Variants in EID2B observed in about 807,000 individuals in gnomAD.
EID2B encodes EP300-interacting inhibitor of differentiation 2B.
Under a neutral mutation model 5.9 loss-of-function variants are expected in EID2B, and 6 were observed. The observed-to-expected ratio is 1.01, with a 90% CI of 0.55 to 2.00. The LOEUF (loss-of-function observed/expected upper bound fraction) is 2.00. Among genes scored for constraint, EID2B ranks in the 30% most tolerant of loss-of-function variants. The pLI, the probability that EID2B is intolerant of heterozygous loss-of-function variation, is 0.00. For synonymous variants in EID2B, 94 were observed against 104.2 expected (o/e 0.90, Z 0.60); for missense variants, 234 against 228.1 (o/e 1.03, Z -0.17).
At position 39,532,840 on chromosome 19, in the gene EID2B, T is replaced by C. The variant is rs775077074; in HGVS notation, c.-38A>G. 3 of 1,600,044 alleles carry C rather than the reference T, an allele frequency of 1.9e-6. No homozygotes were observed. Among genetic ancestry groups the C allele is most frequent in the Admixed American group, 1.7e-5 (1 of 59,224 alleles). ...TCTACGGAGACTGGAATAACGGCAC[T>C]GCACTGCTGTATGCGAGACCTGCGC... is the stretch of plus-strand genomic sequence containing the variant. On this transcript the variant is annotated 5_prime_UTR_variant, in exon 1 of 1. Coordinates refer to ENST00000326282, the MANE Select transcript of EID2B (RefSeq NM_152361.3).
rs1242261130 is a variant in EID2B, at chr19:39,531,548, AAC to A, written c.*767_*768del. The stretch of plus-strand genomic sequence containing the variant: ...AATAAAAAGCTTAAAATTAACAAAA[AAC>A]AAGTTTATTCCACACCTACCCAATT... On this transcript the variant is annotated 3_prime_UTR_variant, in exon 1 of 1. Transcript: ENST00000326282. 1 of 152,260 alleles carries A rather than the reference AAC, an allele frequency of 6.6e-6. No individual in the cohort carries two copies. The highest frequency in any genetic ancestry group is 1.5e-5 in the Non-Finnish European group (1 of 68,046). The allele number at this position is 152,260 out of a possible 1,614,324, so 9.4% of individuals were successfully genotyped here. A position where few individuals can be genotyped will look rare whatever the true frequency, so the allele number is the denominator to read the frequency against.
In EID2B at chr19:39,532,575, G is replaced by A. The variant is rs1971979992; in HGVS notation, c.228C>T (p.Ala76=). The change falls in exon 1 of 1, where the codon GCC becomes GCT. Residue 76 remains alanine, a synonymous_variant. Coordinates refer to ENST00000326282, the MANE Select transcript of EID2B (RefSeq NM_152361.3). ...GPIPSSVPGL[A]SAPDPHQQLA... ...GCTGCTGATGGGGGTCTGGCGCGGA[G>A]GCCAGGCCCGGGACGCTGCTGGGGA... The A allele has an allele frequency of 1.9e-6, 3 of 1,613,408 alleles. No homozygotes were observed. The highest frequency in any genetic ancestry group is 2.5e-6 in the Non-Finnish European group (3 of 1,179,860).
rs965016256 is a variant in EID2B, at chr19:39,532,484, G to A, written c.319C>T (p.Pro107Ser). 8.7e-6 allele frequency: 14 copies of A among 1,614,174 alleles called. No homozygotes were observed. The highest frequency in any genetic ancestry group is 1.2e-5 in the Non-Finnish European group (14 of 1,180,038). ...REYLDGSSMI[P>S]VRLLRDFEER... ...TCGAAATCCCGTAGTAATCTGACCG[G>A]AATCATGGAGCTACCATCCAGATAC... The change falls in exon 1 of 1, where the codon CCG becomes TCG. Residue 107 changes from proline (P) to serine (S), a missense_variant. Transcript: ENST00000326282.
chr19:39,532,224 G>T lies in EID2B; in HGVS notation c.*93C>A. ...CCAGTTTGCATTCCCCCTAATGACT[G>T]AGTTAACTAAACTGGCACAGCCTGC... On this transcript the variant is annotated 3_prime_UTR_variant, in exon 1 of 1. Transcript: ENST00000326282. 1 of 1,485,608 alleles carries T rather than the reference G, an allele frequency of 6.7e-7. No homozygotes were observed. The highest frequency in any genetic ancestry group is 9.1e-7 in the Non-Finnish European group (1 of 1,102,978). The allele number at this position is 1,485,608 out of a possible 1,614,324, so 92.0% of individuals were successfully genotyped here.
Position 39,532,188 on chromosome 19 carries a change from C to T in EID2B, c.*129G>A. On this transcript the variant is annotated 3_prime_UTR_variant, in exon 1 of 1. Transcript: ENST00000326282. The stretch of plus-strand genomic sequence containing the variant: ...GCTTCCTCCTTCAATTGCACATTGC[C>T]GTATTCCCTTCCAGTTTGCATTCCC... 9.1e-7 allele frequency: 1 copy of T among 1,104,926 alleles called. No individual in the cohort carries two copies. Among genetic ancestry groups the T allele is most frequent in the Non-Finnish European group, 1.3e-6 (1 of 778,882 alleles). 68.4% of individuals were successfully genotyped at this position (1,104,926 alleles called of 1,614,324 possible).
Position 39,532,827 on chromosome 19 carries a change from G to T in EID2B, c.-25C>A. 1 of 1,604,566 alleles carries T rather than the reference G, an allele frequency of 6.2e-7. No individual in the cohort carries two copies. The highest frequency in any genetic ancestry group is 8.5e-7 in the Non-Finnish European group (1 of 1,179,666). On this transcript the variant is annotated 5_prime_UTR_variant, in exon 1 of 1. Transcript: ENST00000326282. ...TAGTCCCAGCGTTTCTACGGAGACTGGAATAACGGCACTGCACTGCTGTAT... is the reference window on the plus strand; with the variant it reads ...TAGTCCCAGCGTTTCTACGGAGACTTGAATAACGGCACTGCACTGCTGTAT...
rs759868599 is a variant in EID2B, at chr19:39,532,530, G to C, written c.273C>G (p.Asn91Lys). 17 of 1,614,018 alleles carry C rather than the reference G, an allele frequency of 1.1e-5. No individual in the cohort carries two copies. Among genetic ancestry groups the C allele is most frequent in the Non-Finnish European group, 1.1e-5 (13 of 1,180,038 alleles). ...GATACTCGCGGAACAACAGCTGCCG[G>C]TTAATTTCTAAGAAAGCGAGCTGCT... ...PHQQLAFLEINRQLLFREYLD... is the reference protein window; with the variant it reads ...PHQQLAFLEIKRQLLFREYLD... The change falls in exon 1 of 1, where the codon AAC (asparagine) becomes AAG (lysine). Residue 91 changes from asparagine to lysine, a missense_variant. Physicochemically the swap from Asn to Lys is moderately conservative, Grantham distance 94. Coordinates refer to ENST00000326282, the MANE Select transcript of EID2B (RefSeq NM_152361.3).
rs1431650122 is a variant in EID2B, at chr19:39,532,502, C to T, written c.301G>A (p.Asp101Asn). 5 of 1,614,202 alleles carry T rather than the reference C, an allele frequency of 3.1e-6. No homozygotes were observed. The South Asian group carries it at 5.5e-5, about 18-fold the overall frequency. The change falls in exon 1 of 1, where the codon GAT becomes AAT. Residue 101 changes from aspartate to asparagine, a missense_variant. Asp to Asn is a conservative substitution (Grantham distance 23, BLOSUM62 1). Coordinates refer to ENST00000326282, the MANE Select transcript of EID2B (RefSeq NM_152361.3). ...NRQLLFREYL[D>N]GSSMIPVRLL... Reference sequence around the variant, plus strand: ...CTGACCGGAATCATGGAGCTACCATCCAGATACTCGCGGAACAACAGCTGC... The same window carrying T: ...CTGACCGGAATCATGGAGCTACCATTCAGATACTCGCGGAACAACAGCTGC...
rs1406853362 is a variant in EID2B, at chr19:39,531,072, C to G, written c.*1245G>C. On this transcript the variant is annotated 3_prime_UTR_variant, in exon 1 of 1. Coordinates refer to ENST00000326282, the MANE Select transcript of EID2B (RefSeq NM_152361.3). ...CAAAAAACAAGCAAAACCAAGAAAA[C>G]AACAACAAAACTCCAAGCCACAAGC... 7.3e-6 allele frequency: 1 copy of G among 136,354 alleles called. No individual in the cohort carries two copies. The highest frequency in any genetic ancestry group is 1.6e-5 in the Non-Finnish European group (1 of 60,902). 8.4% of individuals were successfully genotyped at this position (136,354 alleles called of 1,614,324 possible).
At position 39,532,628 on chromosome 19, in the gene EID2B, G is replaced by A. The variant is rs759274357; in HGVS notation, c.175C>T (p.Arg59Trp). The change falls in exon 1 of 1, where the codon CGG becomes TGG. Residue 59 changes from arginine (R) to tryptophan (W), a missense_variant. Transcript: ENST00000326282. Reference protein sequence around the residue: ...PVAEAARSMARMPGPVPGPIP... With the variant: ...PVAEAARSMAWMPGPVPGPIP... Reference sequence around the variant, plus strand: ...GGCCCGGGCACAGGGCCCGGCATCCGCGCCATGGACCGCGCAGCTTCGGCC... The same window carrying A: ...GGCCCGGGCACAGGGCCCGGCATCCACGCCATGGACCGCGCAGCTTCGGCC... 1.9e-6 allele frequency: 3 copies of A among 1,608,784 alleles called. No individual in the cohort carries two copies. Among genetic ancestry groups the A allele is most frequent in the African/African-American group, 2.7e-5 (2 of 74,748 alleles).
Position 39,532,667 on chromosome 19 carries a change from G to T in EID2B, c.136C>A (p.Arg46=). The change falls in exon 1 of 1, where the codon CGG becomes AGG. Residue 46 remains arginine (R), a synonymous_variant. Coordinates refer to ENST00000326282, the MANE Select transcript of EID2B (RefSeq NM_152361.3). The part of the protein sequence containing the change: ...VGGGVRVQEA[R]EGPVAEAARS... ...GCAGCTTCGGCCACTGGGCCTTCCC[G>T]AGCCTCCTGCACCCGAACCCCGCCG... is the stretch of plus-strand genomic sequence containing the variant. 6.2e-7 allele frequency: 1 copy of T among 1,607,312 alleles called. No individual in the cohort carries two copies. The highest frequency in any genetic ancestry group is 8.5e-7 in the Non-Finnish European group (1 of 1,177,248).
Position 39,532,508 on chromosome 19 carries a change from A to C in EID2B, c.295T>G (p.Tyr99Asp), listed in dbSNP as rs1600771138. ...EINRQLLFRE[Y>D]LDGSSMIPVR... Reference sequence around the variant, plus strand: ...GGAATCATGGAGCTACCATCCAGATACTCGCGGAACAACAGCTGCCGGTTA... The same window carrying C: ...GGAATCATGGAGCTACCATCCAGATCCTCGCGGAACAACAGCTGCCGGTTA... Residue 99 changes from tyrosine (Y) to aspartate (D), a missense_variant, in exon 1 of 1, where the codon TAT (tyrosine) becomes GAT (aspartate). Transcript: ENST00000326282. 1.2e-6 allele frequency: 2 copies of C among 1,614,126 alleles called. No individual in the cohort carries two copies. Among genetic ancestry groups the C allele is most frequent in the Non-Finnish European group, 1.7e-6 (2 of 1,180,026 alleles).
Position 39,532,699 on chromosome 19 carries a change from G to A in EID2B, c.104C>T (p.Ala35Val), listed in dbSNP as rs747356364. 1 of 1,607,982 alleles carries A rather than the reference G, an allele frequency of 6.2e-7. No individual in the cohort carries two copies. Among genetic ancestry groups the A allele is most frequent in the Non-Finnish European group, 8.5e-7 (1 of 1,177,962 alleles). ...ASGVSDVLRG[A>V]VGGGVRVQEA... ...CTGCACCCGAACCCCGCCGCCGACT[G>A]CCCCCCGCAGTACGTCGCTGACGCC... The change falls in exon 1 of 1, where the codon GCA becomes GTA. Residue 35 changes from alanine to valine, a missense_variant. Transcript: ENST00000326282.
chr19:39,532,410 G>A lies in EID2B; in HGVS notation c.393C>T (p.Ala131=). The change falls in exon 1 of 1, where the codon GCC becomes GCT. Residue 131 remains alanine, a synonymous_variant. Transcript: ENST00000326282. ...CCATCTGCGGGGGATCCGCGTCAAA[G>A]GCTGCTTCCCTCGCCTTGCAGCCTT... is the stretch of plus-strand genomic sequence containing the variant. ...FVEGCKAREA[A]FDADPPQMDF... 6.2e-7 allele frequency: 1 copy of A among 1,614,182 alleles called. No homozygotes were observed. The highest frequency in any genetic ancestry group is 8.5e-7 in the Non-Finnish European group (1 of 1,180,036).
In EID2B at chr19:39,532,293, A is replaced by G. The variant is rs771519485; in HGVS notation, c.*24T>C. 15 of 1,603,082 alleles carry G rather than the reference A, an allele frequency of 9.4e-6. No individual in the cohort carries two copies. The highest frequency in any genetic ancestry group is 1.3e-5 in the Non-Finnish European group (15 of 1,171,964). The stretch of plus-strand genomic sequence containing the variant: ...AAGGGTCACTTGGCTATTCCTTGCC[A>G]CCAATGTCATCATCACAGCCGACTC... On this transcript the variant is annotated 3_prime_UTR_variant, in exon 1 of 1. Transcript: ENST00000326282.
chr19:39,532,849 G>A lies in EID2B; in HGVS notation c.-47C>T, dbSNP rs1971987319. ...ACTGGAATAACGGCACTGCACTGCTGTATGCGAGACCTGCGCATGCGCGAG... is the reference window on the plus strand; with the variant it reads ...ACTGGAATAACGGCACTGCACTGCTATATGCGAGACCTGCGCATGCGCGAG... On this transcript the variant is annotated 5_prime_UTR_variant, in exon 1 of 1. Coordinates refer to ENST00000326282, the MANE Select transcript of EID2B (RefSeq NM_152361.3). The A allele has an allele frequency of 6.3e-7, 1 of 1,595,796 alleles. No homozygotes were observed. The highest frequency in any genetic ancestry group is 8.5e-7 in the Non-Finnish European group (1 of 1,177,622).
rs1189724439 is a variant in EID2B, at chr19:39,532,631, C to A, written c.172G>T (p.Ala58Ser). The A allele has an allele frequency of 6.2e-7, 1 of 1,608,716 alleles. No individual in the cohort carries two copies. Among genetic ancestry groups the A allele is most frequent in the Admixed American group, 1.7e-5 (1 of 59,532 alleles). Residue 58 changes from alanine (A) to serine (S), a missense_variant, in exon 1 of 1, where the codon GCG (alanine) becomes TCG (serine). Physicochemically the swap from Ala to Ser is moderately conservative, Grantham distance 99. Transcript: ENST00000326282. ...GPVAEAARSM[A>S]RMPGPVPGPI... ...CCGGGCACAGGGCCCGGCATCCGCG[C>A]CATGGACCGCGCAGCTTCGGCCACT... is the stretch of plus-strand genomic sequence containing the variant.
chr19:39,532,597 G>T lies in EID2B; in HGVS notation c.206C>A (p.Pro69His). 1 of 1,612,508 alleles carries T rather than the reference G, an allele frequency of 6.2e-7. No homozygotes were observed. Among genetic ancestry groups the T allele is most frequent in the Non-Finnish European group, 8.5e-7 (1 of 1,179,454 alleles). ...RMPGPVPGPI[P>H]SSVPGLASAP... is the part of the protein sequence containing the mutation. Reference sequence around the variant, plus strand: ...GGAGGCCAGGCCCGGGACGCTGCTGGGGATGGGCCCGGGCACAGGGCCCGG... The same window carrying T: ...GGAGGCCAGGCCCGGGACGCTGCTGTGGATGGGCCCGGGCACAGGGCCCGG... Residue 69 changes from proline to histidine, a missense_variant, in exon 1 of 1, where the codon CCC becomes CAC. Physicochemically the swap from Pro to His is moderately conservative, Grantham distance 77. Coordinates refer to ENST00000326282, the MANE Select transcript of EID2B (RefSeq NM_152361.3).
Position 39,532,580 on chromosome 19 carries a change from G to C in EID2B, c.223C>G (p.Leu75Val). 6.2e-7 allele frequency: 1 copy of C among 1,613,224 alleles called. No individual in the cohort carries two copies. The highest frequency in any genetic ancestry group is 8.5e-7 in the Non-Finnish European group (1 of 1,179,776). ...PGPIPSSVPGLASAPDPHQQL... is the reference protein window; with the variant it reads ...PGPIPSSVPGVASAPDPHQQL... ...TGATGGGGGTCTGGCGCGGAGGCCA[G>C]GCCCGGGACGCTGCTGGGGATGGGC... Residue 75 changes from leucine to valine, a missense_variant, in exon 1 of 1, where the codon CTG becomes GTG. Coordinates refer to ENST00000326282, the MANE Select transcript of EID2B (RefSeq NM_152361.3).
Sources: gnomAD v4.1 joint callset for allele counts on GRCh38, gnomAD v4.1.1 for gene constraint, MANE v1.5 for transcripts, NCBI Gene and HGNC (gene_info 2026-07-23, HGNC 2026-07-21) for gene names.